Variants in CADM2 observed in about 807,000 individuals in gnomAD.
CADM2 encodes the protein immunoglobulin superfamily member 4D.
In CADM2, 12 loss-of-function variants were observed where a neutral mutation model predicts 49.8. The ratio of observed to expected loss-of-function variants is 0.24; its 90% CI spans 0.15 to 0.39. The LOEUF is 0.39. Ranked by LOEUF, CADM2 falls within the 10% of genes least tolerant of loss-of-function variation. The pLI is 1.00. For synonymous variants in CADM2, 214 were observed against 175.4 expected, an observed-to-expected ratio of 1.22 and a Z score of -1.74; for missense variants, 378 against 492.3, an observed-to-expected ratio of 0.77 and a Z score of 2.20.
chr3:85,623,510 A>T (rs1214283845), intron 1 of CADM2, among the ~76,000 whole-genome samples: 1 of 152,148 alleles, frequency 6.6e-6, no homozygotes, highest in Non-Finnish European at 1.5e-5. Flanking sequence ...AAATGTAATG[A>T]TGGAGGCAAA....
chr3:85,126,747 A>T (rs1038131364), intron 1 of CADM2, among the ~76,000 whole-genome samples: 1 of 152,160 alleles, frequency 6.6e-6, no homozygotes, highest in Non-Finnish European at 1.5e-5. Flanking sequence ...TCTAAAAAAA[A>T]GTCAATGAAC....
chr3:86,021,449 A>C (rs997626125), intron 8 of CADM2, among the ~76,000 whole-genome samples: 1 of 152,176 alleles, frequency 6.6e-6, no homozygotes, highest in Non-Finnish European at 1.5e-5. Flanking sequence ...TAGTGTAGAC[A>C]TGGCTTAAGT....
intron 1 of CADM2, among the ~76,000 whole-genome samples, chr3:85,290,247 G>T (rs891454565): frequency 6.6e-5 from 10 of 152,114 alleles, no homozygotes; most frequent in Admixed American, 2.0e-4. Flanking sequence ...AAAAAATGGC[G>T]CACCACGAGA....
At chr3:85,262,153 A>G (rs376271398) in intron 1 of CADM2, among the ~76,000 whole-genome samples, 3 of 152,260 alleles carry the variant, frequency 2.0e-5, no homozygotes, top group Non-Finnish European at 2.9e-5. Context: ...CTATGATATT[A>G]AACCATATTA....
chr3:85,585,429 A>C (rs770554941), intron 1 of CADM2, among the ~76,000 whole-genome samples: 4 of 151,866 alleles, frequency 2.6e-5, no homozygotes, highest in African/African-American at 4.8e-5. Flanking sequence ...TTGTATGATG[A>C]GGTTTATAAG....
At chr3:86,053,144 G>A (rs73843585) in intron 8 of CADM2, among the ~76,000 whole-genome samples, 2,520 of 152,060 alleles carry the variant, frequency 0.017, 50 homozygotes, top group African/African-American at 0.052. Flanking sequence ...TTCCTATAAC[G>A]GAGTAAATTA....
intron 5 of CADM2, among the ~76,000 whole-genome samples, chr3:85,895,912 C>T (rs371429837): frequency 6.6e-6 from 1 of 152,170 alleles, no homozygotes; most frequent in Non-Finnish European, 1.5e-5. Context: ...GTCCATTAAA[C>T]CTCTTTTTCT....
chr3:85,487,093 C>T (rs1276015396), intron 1 of CADM2, among the ~76,000 whole-genome samples: 2 of 152,124 alleles, frequency 1.3e-5, no homozygotes, highest in African/African-American at 4.8e-5. Flanking sequence ...CCATTTCCCC[C>T]AATACTTAGC....
At chr3:84,994,880 A>C (rs1575994284) in intron 1 of CADM2, among the ~76,000 whole-genome samples, 1 of 151,808 alleles carries the variant, frequency 6.6e-6, no homozygotes, top group Non-Finnish European at 1.5e-5. Flanking sequence ...TACAAAAAAT[A>C]AGCCGGGCGT....
chr3:85,513,681 T>C (rs2060827700), intron 1 of CADM2, among the ~76,000 whole-genome samples: 1 of 152,016 alleles, frequency 6.6e-6, no homozygotes. Context: ...AACTGTTAGT[T>C]GGATTCCAGT....
At chr3:85,499,711 A>G (rs534008488) in intron 1 of CADM2, among the ~76,000 whole-genome samples, 26 of 152,098 alleles carry the variant, frequency 1.7e-4, no homozygotes, top group African/African-American at 6.0e-4. Context: ...AGGTGTTTCT[A>G]TTTTCTTTCC....
intron 1 of CADM2, among the ~76,000 whole-genome samples, chr3:85,565,417 T>A (rs539401460): frequency 6.6e-6 from 1 of 152,192 alleles, no homozygotes; most frequent in East Asian, 1.9e-4. Context: ...CATTTGCTAT[T>A]AGTGTCTGCT....
intron 1 of CADM2, among the ~76,000 whole-genome samples, chr3:84,992,927 C>A (rs1255857002): frequency 6.6e-6 from 1 of 152,048 alleles, no homozygotes; most frequent in African/African-American, 2.4e-5. Flanking sequence ...GATTTCATGT[C>A]CCTGTAATTT....
At chr3:85,288,793 C>T (rs547404557) in intron 1 of CADM2, among the ~76,000 whole-genome samples, 3 of 136,242 alleles carry the variant, frequency 2.2e-5, no homozygotes, top group East Asian at 5.1e-4. Context: ...TGCCCCCCCC[C>T]CCTCTTTTTT....
intron 1 of CADM2, among the ~76,000 whole-genome samples, chr3:85,370,791 C>G (rs2107317295): frequency 6.6e-6 from 1 of 152,178 alleles, no homozygotes; most frequent in African/African-American, 2.4e-5. Context: ...TAGAAGATAA[C>G]AGCCCCATGC....
chr3:85,685,496 T>C (rs1267295056), intron 1 of CADM2, among the ~76,000 whole-genome samples: 1 of 152,184 alleles, frequency 6.6e-6, no homozygotes. Flanking sequence ...TCTTTGAACT[T>C]TCCTCTACAT....
chr3:85,476,637 C>G (rs76350311), intron 1 of CADM2, among the ~76,000 whole-genome samples: 1 of 151,704 alleles, frequency 6.6e-6, no homozygotes, highest in Non-Finnish European at 1.5e-5. Flanking sequence ...TTCTGCAAAC[C>G]GCTCAACCTG....
intron 1 of CADM2, among the ~76,000 whole-genome samples, chr3:85,044,488 C>G (rs796306420): frequency 2.6e-5 from 4 of 152,314 alleles, no homozygotes; most frequent in African/African-American, 9.6e-5. Context: ...TGAAGGGATA[C>G]ATTCCAGAAG....
At chr3:85,976,709 C>G (rs1459733677) in intron 8 of CADM2, among the ~76,000 whole-genome samples, 1 of 151,518 alleles carries the variant, frequency 6.6e-6, no homozygotes, top group Non-Finnish European at 1.5e-5. Flanking sequence ...GTCATTTTGG[C>G]ACTTTCCACC....
Sources: allele counts gnomAD v4.1 joint callset (sites outside exome capture counted in the v4.1 genomes callset), GRCh38; gene constraint gnomAD v4.1.1; transcripts MANE v1.5; gene names NCBI Gene and HGNC (gene_info 2026-07-23, HGNC 2026-07-21).